Variants in PHF21A observed in about 807,000 individuals in gnomAD.
PHF21A encodes the protein BHC80a.
In PHF21A, 11 loss-of-function variants were observed where a neutral mutation model predicts 82.5. That is an observed-to-expected ratio of 0.13 (90% CI 0.08 to 0.22). The LOEUF (loss-of-function observed/expected upper bound fraction) is 0.22. PHF21A is among the 10% of genes least tolerant of loss of function. The pLI is 1.00. For missense variants in PHF21A, 579 were observed against 837.8 expected (o/e 0.69, Z 3.81); for synonymous variants, 297 against 302.8 (o/e 0.98, Z 0.20).
intron 1 of PHF21A, among the ~76,000 whole-genome samples, chr11:46,111,038 G>C (rs952472836): frequency 5.3e-5 from 8 of 151,572 alleles, no homozygotes; most frequent in African/African-American, 1.7e-4. Flanking sequence ...ACCCGCCTCA[G>C]CCTACCAAAG....
At chr11:46,054,116 C>G (rs1021950679) in intron 6 of PHF21A, among the ~76,000 whole-genome samples, 2 of 152,012 alleles carry the variant, frequency 1.3e-5, no homozygotes, top group African/African-American at 2.4e-5. Flanking sequence ...GGCTTCTCAC[C>G]CACCAAAATG....
chr11:45,934,245 C>A lies in PHF21A; in HGVS notation c.1789-20G>T. 6.2e-7 allele frequency: 1 copy of A among 1,605,390 alleles called. No homozygotes were observed. Among genetic ancestry groups the A allele is most frequent in the Non-Finnish European group, 8.5e-7 (1 of 1,177,804 alleles). On this transcript the variant is annotated intron_variant, in intron 18 of 18. Transcript: ENST00000676320. ...GCATTTCTGCAGCAAATGACAAGGG[C>A]AGTGGCACTGAGCCGCCTGGTTTCT...
At position 46,102,980 on chromosome 11, in the gene PHF21A, G is replaced by C. The variant is rs12801848; in HGVS notation, c.-236-10757C>G. ...GGGGACGGAAAGAGACCATCAAGAG[G>C]GTAAGCAGAGAAGCAGGAGAGGAAA... is the stretch of plus-strand genomic sequence containing the variant. On this transcript the variant is annotated intron_variant, in intron 1 of 18. Transcript: ENST00000676320. Among the ~76,000 whole-genome samples, 44 of 152,102 alleles carry C rather than the reference G, an allele frequency of 2.9e-4. No individual in the cohort carries two copies. In the South Asian group the frequency reaches 6.9e-3, roughly 24 times the overall value.
At chr11:46,019,755 C>T (rs2095593583) in intron 6 of PHF21A, among the ~76,000 whole-genome samples, 1 of 152,136 alleles carries the variant, frequency 6.6e-6, no homozygotes, top group African/African-American at 2.4e-5. Flanking sequence ...TTCTGCTTGA[C>T]AGTTAAACAG....
chr11:46,061,219 T>C (rs1302195639), intron 6 of PHF21A, among the ~76,000 whole-genome samples: 2 of 152,202 alleles, frequency 1.3e-5, no homozygotes, highest in Non-Finnish European at 2.9e-5. Context: ...CCCTGTAGTA[T>C]AGTTTGAAGT....
intron 6 of PHF21A, among the ~76,000 whole-genome samples, chr11:45,986,120 C>T (rs2094484686): frequency 6.6e-6 from 1 of 151,812 alleles, no homozygotes. Context: ...GAGGTATTTA[C>T]ATCAATGGAT....
intron 6 of PHF21A, 146 bp from the exon 7 acceptor site, chr11:45,980,112 C>T: frequency 8.3e-7 from 1 of 1,207,532 alleles, no homozygotes; most frequent in Non-Finnish European, 1.1e-6. Context: ...ATATGAAGAG[C>T]TTAAAGCATT....
chr11:46,088,125 C>T lies in PHF21A; in HGVS notation c.-84+2330G>A, dbSNP rs534710303. On this transcript the variant is annotated intron_variant, in intron 3 of 18. Coordinates refer to ENST00000676320, the MANE Select transcript of PHF21A (RefSeq NM_001352027.3). ...AATACCACTGGGAGGCAGTTTATAG[C>T]ATCAAAAGAATTATTGGCTACATTT... is the stretch of plus-strand genomic sequence containing the variant. Among the ~76,000 whole-genome samples the T allele has an allele frequency of 2.0e-5, 3 of 152,246 alleles. No individual in the cohort carries two copies. In the East Asian group the frequency reaches 5.8e-4, roughly 29 times the overall value.
intron 6 of PHF21A, among the ~76,000 whole-genome samples, chr11:46,024,039 A>C (rs2095687979): frequency 6.6e-6 from 1 of 152,234 alleles, no homozygotes; most frequent in Non-Finnish European, 1.5e-5. Context: ...TGTTCTAAGG[A>C]ACACAGTTTG....
rs1036437434 is a variant in PHF21A at position 46,050,359 on chromosome 11, G to A, written c.153+26395C>T. Among the ~76,000 whole-genome samples the A allele has an allele frequency of 5.2e-4, 79 of 152,358 alleles. 1 individual carries two copies. The highest frequency in any genetic ancestry group is 1.9e-3 in the African/African-American group (77 of 41,572). On this transcript the variant is annotated intron_variant, in intron 6 of 18. Coordinates refer to ENST00000676320, the MANE Select transcript of PHF21A (RefSeq NM_001352027.3). ...TGGCCGGCTTACTTTGATCAACTGA[G>A]TGGTGTGCTGATCAGTGTGATTTCC...
intron 6 of PHF21A, among the ~76,000 whole-genome samples, chr11:46,071,358 C>A (rs75215311): frequency 0.016 from 2,496 of 152,272 alleles, 27 homozygotes; most frequent in Middle Eastern, 0.041. Flanking sequence ...TTCAGCCAGC[C>A]CACAAACTGA....
chr11:46,056,068 C>A (rs2096451137), intron 6 of PHF21A, among the ~76,000 whole-genome samples: 1 of 152,012 alleles, frequency 6.6e-6, no homozygotes, highest in Non-Finnish European at 1.5e-5. Context: ...TTCCATGTAA[C>A]CTGTTTTTTT....
chr11:45,942,521 G>C (rs867971858), intron 15 of PHF21A, among the ~76,000 whole-genome samples: 4 of 152,316 alleles, frequency 2.6e-5, no homozygotes, highest in Non-Finnish European at 4.4e-5. Flanking sequence ...ATTTCTGAGA[G>C]AGACCCTGCT....
At chr11:46,058,371 AT>A (rs2096489223) in intron 6 of PHF21A, among the ~76,000 whole-genome samples, 1 of 152,210 alleles carries the variant, frequency 6.6e-6, no homozygotes, top group African/African-American at 2.4e-5. Flanking sequence ...TTGAAAGGAT[AT>A]TTTGAAGGGC....
At chr11:46,022,298 T>A (rs573668022) in intron 6 of PHF21A, among the ~76,000 whole-genome samples, 21 of 151,894 alleles carry the variant, frequency 1.4e-4, no homozygotes, top group African/African-American at 4.6e-4. Context: ...TACAAAAAAA[T>A]TTAAAAATTA....
chr11:46,030,675 A>C (rs1196158792), intron 6 of PHF21A, among the ~76,000 whole-genome samples: 1 of 152,198 alleles, frequency 6.6e-6, no homozygotes. Flanking sequence ...TCATAAACAT[A>C]ATAAAACCAA....
At chr11:45,950,761 A>G (rs780218963) in intron 11 of PHF21A, among the ~76,000 whole-genome samples, 3 of 152,190 alleles carry the variant, frequency 2.0e-5, no homozygotes, top group Non-Finnish European at 4.4e-5. Context: ...CCTCTTAAAA[A>G]GAAGAGGATT....
chr11:45,957,751 C>CAAAAAAAAAAAAAAAAACAAAAAAA (rs2092750679), intron 10 of PHF21A, among the ~76,000 whole-genome samples: 1 of 60,894 alleles, frequency 1.6e-5, no homozygotes, highest in African/African-American at 6.0e-5. Context: ...AAATTCAAAG[C>CAAAAAAAAAAAAAAAAACAAAAAAA]AAAAAAAAAA....
chr11:45,954,061 A>G (rs2092417823), intron 10 of PHF21A, among the ~76,000 whole-genome samples: 3 of 152,192 alleles, frequency 2.0e-5, no homozygotes, highest in Admixed American at 2.0e-4. Context: ...CAATGGCATG[A>G]TCTCAGTTCA....
Sources: gnomAD v4.1 joint callset for allele counts (sites outside exome capture counted in the v4.1 genomes callset) on GRCh38, gnomAD v4.1.1 for gene constraint, MANE v1.5 for transcripts, NCBI Gene and HGNC (gene_info 2026-07-23, HGNC 2026-07-21) for gene names.